CECR2: variants seen among roughly 807,000 people sequenced by gnomAD.
CECR2 encodes chromatin remodeling regulator CECR2.
A neutral mutation model predicts 154.5 loss-of-function variants in CECR2; 30 were observed. That is an observed-to-expected ratio of 0.19 (90% CI 0.15 to 0.26). CECR2 has a LOEUF of 0.26. Ranked by LOEUF, CECR2 falls within the 10% of genes least tolerant of loss-of-function variation. The pLI, the probability that CECR2 is intolerant of heterozygous loss-of-function variation, is 1.00. For synonymous variants in CECR2, 725 were observed against 683.7 expected (o/e 1.06, Z -0.94); for missense variants, 1,743 against 1,829.3 (o/e 0.95, Z 0.86).
chr22:17,444,914 A>G (rs991554118), intron 1 of CECR2, among the ~76,000 whole-genome samples: 3 of 152,242 alleles, frequency 2.0e-5, no homozygotes, highest in Non-Finnish European at 4.4e-5. Context: ...TCTGATCGCT[A>G]AACCAAAAAG....
intron 8 of CECR2, among the ~76,000 whole-genome samples, chr22:17,523,015 A>G (rs553290614): frequency 2.8e-5 from 4 of 140,412 alleles, no homozygotes; most frequent in Admixed American, 1.4e-4. Flanking sequence ...GGGGGGAAAA[A>G]AAAAAGCCTG....
chr22:17,481,803 G>A (rs531724582), intron 2 of CECR2, among the ~76,000 whole-genome samples: 3 of 152,244 alleles, frequency 2.0e-5, no homozygotes, highest in South Asian at 2.1e-4. Flanking sequence ...AACCTAGTGC[G>A]CTACCAGTCA....
chr22:17,410,949 G>A (rs1005465437), intron 1 of CECR2, among the ~76,000 whole-genome samples: 2 of 152,190 alleles, frequency 1.3e-5, no homozygotes, highest in African/African-American at 4.8e-5. Flanking sequence ...TACAGATGAG[G>A]ATGTTGCCCA....
chr22:17,438,347 ATG>A (rs1279751955), intron 1 of CECR2, among the ~76,000 whole-genome samples: 1 of 114,506 alleles, frequency 8.7e-6, no homozygotes, highest in Middle Eastern at 3.7e-3. Flanking sequence ...TTCTCATCAC[ATG>A]TTTTGGGTTG....
intron 9 of CECR2, among the ~76,000 whole-genome samples, chr22:17,530,378 G>GA (rs895151927): frequency 3.7e-4 from 54 of 147,430 alleles, no homozygotes; most frequent in African/African-American, 7.4e-4. Flanking sequence ...AGTGGATTAA[G>GA]AAAAAAAAAA....
chr22:17,478,621 C>T (rs933732105), intron 2 of CECR2, among the ~76,000 whole-genome samples: 2 of 152,178 alleles, frequency 1.3e-5, no homozygotes, highest in African/African-American at 4.8e-5. Context: ...TCACAAAGTG[C>T]TGGGATTACA....
At chr22:17,539,230 T>C in intron 13 of CECR2, 111 bp downstream of exon 13, 1 of 1,244,824 alleles carries the variant, frequency 8.0e-7, no homozygotes, top group Non-Finnish European at 1.1e-6. Context: ...GTGAACAGAA[T>C]GTGTATGAAA....
chr22:17,515,734 G>A (rs917518419), intron 8 of CECR2, among the ~76,000 whole-genome samples: 1 of 150,458 alleles, frequency 6.6e-6, no homozygotes, highest in Admixed American at 6.6e-5. Flanking sequence ...GGAGTGCAGT[G>A]GCACAATCTG....
At chr22:17,434,146 A>G (rs1473160574) in intron 1 of CECR2, among the ~76,000 whole-genome samples, 1 of 151,280 alleles carries the variant, frequency 6.6e-6, no homozygotes, top group Non-Finnish European at 1.5e-5. Context: ...CCATGAGGGT[A>G]AAAAAAAATG....
At chr22:17,468,015 G>C (rs886067871) in intron 1 of CECR2, among the ~76,000 whole-genome samples, 2 of 152,194 alleles carry the variant, frequency 1.3e-5, no homozygotes, top group African/African-American at 4.8e-5. Context: ...GGTCCTTCTT[G>C]GTAGAAGGAG....
intron 16 of CECR2, among the ~76,000 whole-genome samples, chr22:17,543,297 T>A (rs1002649549): frequency 6.6e-6 from 1 of 151,858 alleles, no homozygotes; most frequent in African/African-American, 2.4e-5. Context: ...CACGCCCGGC[T>A]AATTTTTTTG....
At chr22:17,480,711 C>T (rs895521395) in intron 2 of CECR2, among the ~76,000 whole-genome samples, 1 of 152,226 alleles carries the variant, frequency 6.6e-6, no homozygotes, top group Non-Finnish European at 1.5e-5. Flanking sequence ...CCTGTTATGC[C>T]TCCAAGACTA....
At chr22:17,491,771 G>A (rs560270628) in intron 2 of CECR2, among the ~76,000 whole-genome samples, 11 of 152,002 alleles carry the variant, frequency 7.2e-5, no homozygotes, top group African/African-American at 2.7e-4. Context: ...TACATTTGGG[G>A]TTTATTCACT....
At chr22:17,537,064 G>C (rs1162330542) in intron 9 of CECR2, 39 bp from the exon 10 acceptor site, 2 of 1,609,928 alleles carry the variant, frequency 1.2e-6, no homozygotes, top group Non-Finnish European at 1.7e-6. Flanking sequence ...TCAGTGTCTG[G>C]AGTGTGCTTA....
intron 9 of CECR2, among the ~76,000 whole-genome samples, chr22:17,528,047 A>G (rs980295899): frequency 6.6e-6 from 1 of 152,202 alleles, no homozygotes; most frequent in African/African-American, 2.4e-5. Flanking sequence ...TATTAATCCC[A>G]CTGCTGGGTA....
In CECR2 at chr22:17,549,337, C is replaced by A. The variant is rs779541288; in HGVS notation, c.4050C>A (p.Thr1350=). ...SVMLQTGPPY[T]PQRPASHFQP... ...TGCTGCAGACGGGGCCTCCCTATAC[C>A]CCTCAGCGGCCGGCCAGTCACTTTC... The change falls in exon 17 of 19, where the codon ACC becomes ACA. Residue 1350 remains threonine, a synonymous_variant. Transcript: ENST00000262608. 6.2e-7 allele frequency: 1 copy of A among 1,613,942 alleles called. No individual in the cohort carries two copies. The highest frequency in any genetic ancestry group is 2.2e-5 in the East Asian group (1 of 44,880).
At chr22:17,399,416 A>ATTTTTTTT (rs67470861) in intron 1 of CECR2, among the ~76,000 whole-genome samples, 1 of 126,390 alleles carries the variant, frequency 7.9e-6, no homozygotes, top group Non-Finnish European at 1.7e-5. Flanking sequence ...AGTAATGGTG[A>ATTTTTTTT]TTTTTTTTTT....
chr22:17,458,232 T>C (rs1030598506), intron 1 of CECR2, among the ~76,000 whole-genome samples: 4 of 152,058 alleles, frequency 2.6e-5, no homozygotes, highest in African/African-American at 9.7e-5. Flanking sequence ...CTGGCCAAGA[T>C]GGTGAAACCC....
intron 9 of CECR2, among the ~76,000 whole-genome samples, chr22:17,535,725 A>G (rs1019772446): frequency 6.8e-6 from 1 of 148,038 alleles, no homozygotes; most frequent in Non-Finnish European, 1.5e-5. Flanking sequence ...ACTTTCTTAG[A>G]AGTCGAAAAA....
Sources: gnomAD v4.1 joint callset for allele counts (sites outside exome capture counted in the v4.1 genomes callset) on GRCh38, gnomAD v4.1.1 for gene constraint, MANE v1.5 for transcripts, NCBI Gene and HGNC (gene_info 2026-07-23, HGNC 2026-07-21) for gene names.